ARHGEF26: variants seen among roughly 807,000 people sequenced by gnomAD.
The protein encoded by ARHGEF26 is Rho guanine nucleotide exchange factor (GEF) 26.
Under a neutral mutation model 89.4 loss-of-function variants are expected in ARHGEF26, and 59 were observed. That is an observed-to-expected ratio of 0.66 (90% confidence interval 0.54 to 0.82). The LOEUF (loss-of-function observed/expected upper bound fraction) is 0.82. Ranked by LOEUF, ARHGEF26 falls within the 40% of genes least tolerant of loss-of-function variation. The pLI is 0.00. For missense variants in ARHGEF26, 1,234 were observed against 1,085.6 expected (o/e 1.14, Z -1.92); for synonymous variants, 500 against 428.4 (o/e 1.17, Z -2.06).
At chr3:154,222,715 G>A (rs1716213829) in intron 10 of ARHGEF26, among the ~76,000 whole-genome samples, 3 of 152,130 alleles carry the variant, frequency 2.0e-5, no homozygotes, top group African/African-American at 7.2e-5. Context: ...TTTCATTCCA[G>A]AAGCTTGACT....
At chr3:154,136,447 A>C (rs1009549844) in intron 4 of ARHGEF26, among the ~76,000 whole-genome samples, 3 of 152,146 alleles carry the variant, frequency 2.0e-5, no homozygotes, top group African/African-American at 7.2e-5. Flanking sequence ...TACCTGTGGG[A>C]GACTTTCTGG....
chr3:154,256,832 C>T lies in ARHGEF26; in HGVS notation c.*1359C>T. The T allele has an allele frequency of 6.5e-7, 1 of 1,528,936 alleles. No homozygotes were observed. The highest frequency in any genetic ancestry group is 8.7e-7 in the Non-Finnish European group (1 of 1,144,454). The allele number at this position is 1,528,936 out of a possible 1,614,324, so 94.7% of individuals were successfully genotyped here. On this transcript the variant is annotated 3_prime_UTR_variant, in exon 15 of 15. Transcript: ENST00000465093. ...TTGCTGTATTCAGAGTCCCTCTTAACTGTGAGTTTCTATAGAACTTTACTT... is the reference window on the plus strand; with the variant it reads ...TTGCTGTATTCAGAGTCCCTCTTAATTGTGAGTTTCTATAGAACTTTACTT...
At chr3:154,182,925 A>G (rs1713273963) in intron 6 of ARHGEF26, among the ~76,000 whole-genome samples, 1 of 152,228 alleles carries the variant, frequency 6.6e-6, no homozygotes, top group South Asian at 2.1e-4. Context: ...ATAATAAAGC[A>G]ACCACAAAAG....
chr3:154,217,744 G>A, intron 9 of ARHGEF26, 125 bp from the exon 10 acceptor site: 2 of 714,586 alleles, frequency 2.8e-6, no homozygotes, highest in South Asian at 1.8e-5. Context: ...AAAACTGTGA[G>A]TTCTCTGTCA....
chr3:154,158,208 CAAAG>C (rs1282134142), intron 6 of ARHGEF26, among the ~76,000 whole-genome samples: 4 of 152,192 alleles, frequency 2.6e-5, no homozygotes, highest in Middle Eastern at 3.4e-3. Flanking sequence ...AGAATTTTGA[CAAAG>C]AAACATTTAA....
intron 9 of ARHGEF26, among the ~76,000 whole-genome samples, chr3:154,210,049 C>T (rs1576782544): frequency 6.6e-6 from 1 of 152,322 alleles, no homozygotes; most frequent in South Asian, 2.1e-4. Flanking sequence ...ACAAGGAGTA[C>T]TGCCTGACTA....
chr3:154,165,580 C>G (rs892144387), intron 6 of ARHGEF26, among the ~76,000 whole-genome samples: 64 of 152,122 alleles, frequency 4.2e-4, no homozygotes, highest in African/African-American at 1.5e-3. Flanking sequence ...TTATTCCAGA[C>G]TTTCCTGGCA....
chr3:154,217,367 C>T (rs141453769), intron 9 of ARHGEF26, among the ~76,000 whole-genome samples: 8,325 of 152,082 alleles, frequency 0.055, 231 homozygotes, highest in South Asian at 0.073. Flanking sequence ...CCTTCACCCA[C>T]TTTCTGATGG....
chr3:154,194,717 A>T lies in ARHGEF26; in HGVS notation c.1844A>T (p.Lys615Met), dbSNP rs746026158. The T allele has an allele frequency of 6.2e-7, 1 of 1,611,142 alleles. No individual in the cohort carries two copies. The highest frequency in any genetic ancestry group is 1.1e-5 in the South Asian group (1 of 90,262). The stretch of plus-strand genomic sequence containing the variant: ...AAAAGAGCCTTGAAGGAAGTTAGCA[A>T]GGTAACTGTTGGGTGACAGTTTGTT... ...VCKRALKEVS[K>M]LVRLCNEGAR... is the part of the protein sequence containing the mutation. The change falls in exon 9 of 15, where the codon AAG becomes ATG. Residue 615 changes from lysine to methionine, a missense_variant and splice_region_variant. By Grantham distance (95) the Lys-to-Met change is moderately conservative. Coordinates refer to ENST00000465093, the MANE Select transcript of ARHGEF26 (RefSeq NM_015595.4).
chr3:154,138,838 G>A (rs1222431925), intron 4 of ARHGEF26, among the ~76,000 whole-genome samples: 1 of 152,184 alleles, frequency 6.6e-6, no homozygotes, highest in Non-Finnish European at 1.5e-5. Context: ...TGGAGATAGA[G>A]CAAGAACAGA....
In ARHGEF26 at chr3:154,254,763, G is replaced by A. The variant is rs1180003285; in HGVS notation, c.2412G>A (p.Gln804=). Reference sequence around the variant, plus strand: ...TCGTTAGGTCATTTACTGCTAAGCAGCCAGATGAACTCTCCCTGCAGGTGG... The same window carrying A: ...TCGTTAGGTCATTTACTGCTAAGCAACCAGATGAACTCTCCCTGCAGGTGG... ...VEIVRSFTAK[Q]PDELSLQVAD... The change falls in exon 14 of 15, where the codon CAG becomes CAA. Residue 804 remains glutamine (Q), a synonymous_variant. Coordinates refer to ENST00000465093, the MANE Select transcript of ARHGEF26 (RefSeq NM_015595.4). 6.2e-7 allele frequency: 1 copy of A among 1,613,750 alleles called. No homozygotes were observed. The highest frequency in any genetic ancestry group is 8.5e-7 in the Non-Finnish European group (1 of 1,179,854).
intron 10 of ARHGEF26, 94 bp downstream of exon 10, chr3:154,218,052 T>A: frequency 8.5e-7 from 1 of 1,176,358 alleles, no homozygotes; most frequent in Non-Finnish European, 1.2e-6. Context: ...AGGAAATTGC[T>A]TTTCAAAGAA....
chr3:154,166,516 C>T (rs150978753), intron 6 of ARHGEF26, among the ~76,000 whole-genome samples: 560 of 152,256 alleles, frequency 3.7e-3, no homozygotes, highest in Non-Finnish European at 6.0e-3. Flanking sequence ...TTCCTTTCCT[C>T]TGGAATTGTT....
intron 9 of ARHGEF26, among the ~76,000 whole-genome samples, chr3:154,211,561 C>G (rs887741791): frequency 6.6e-6 from 1 of 152,084 alleles, no homozygotes; most frequent in African/African-American, 2.4e-5. Flanking sequence ...TTTTTTCTAT[C>G]TCTTTAGTGC....
At chr3:154,147,403 T>G (rs1393062467) in intron 4 of ARHGEF26, among the ~76,000 whole-genome samples, 3 of 152,204 alleles carry the variant, frequency 2.0e-5, no homozygotes, top group African/African-American at 4.8e-5. Context: ...AGAGTGAGAC[T>G]CTATCTCAAT....
At chr3:154,174,593 A>G (rs1014248538) in intron 6 of ARHGEF26, among the ~76,000 whole-genome samples, 6 of 152,234 alleles carry the variant, frequency 3.9e-5, no homozygotes, top group Admixed American at 3.3e-4. Flanking sequence ...TTGAGGAAAT[A>G]CAATTATATA....
chr3:154,124,613 A>G (rs2108036222), intron 3 of ARHGEF26, among the ~76,000 whole-genome samples, 164 bp downstream of exon 3: 1 of 152,248 alleles, frequency 6.6e-6, no homozygotes, highest in East Asian at 1.9e-4. Flanking sequence ...ATTTTTATCT[A>G]GTAATACTAA....
intron 12 of ARHGEF26, among the ~76,000 whole-genome samples, chr3:154,244,884 C>T (rs1048346243): frequency 1.3e-5 from 2 of 149,990 alleles, no homozygotes; most frequent in African/African-American, 4.9e-5. Flanking sequence ...GGAGAAGCTG[C>T]CAACCAGTAG....
chr3:154,227,471 T>C (rs548118924), intron 11 of ARHGEF26, among the ~76,000 whole-genome samples: 2 of 151,718 alleles, frequency 1.3e-5, no homozygotes, highest in African/African-American at 4.9e-5. Context: ...TTAGTGGAGA[T>C]GGGGTTTCAC....
Sources: allele counts gnomAD v4.1 joint callset (sites outside exome capture counted in the v4.1 genomes callset), GRCh38; gene constraint gnomAD v4.1.1; transcripts MANE v1.5; gene names NCBI Gene and HGNC (gene_info 2026-07-23, HGNC 2026-07-21).